The following SEM1 variants were observed in gnomAD, a reference collection of about 807,000 sequenced individuals.
SEM1 encodes the protein SEM1 26S proteasome subunit.
In SEM1, 3 loss-of-function variants were observed where a neutral mutation model predicts 12.7. The ratio of observed to expected loss-of-function variants is 0.24; its 90% CI spans 0.11 to 0.61. The LOEUF is 0.61. SEM1 is among the 20% of genes least tolerant of loss of function. The pLI is 0.88. For missense variants in SEM1, 59 were observed against 81.3 expected (o/e 0.73, Z 1.06); for synonymous variants, 30 against 27.8 (o/e 1.08, Z -0.25).
chr7:96,512,484 T>C (rs993477573), intron 2 of SEM1, among the ~76,000 whole-genome samples: 20 of 152,272 alleles, frequency 1.3e-4, no homozygotes, highest in African/African-American at 3.8e-4. Flanking sequence ...AATTAGTCAA[T>C]ATAATTGAAG....
In SEM1 at chr7:96,525,768, G is replaced by A. The variant is rs79797601; in HGVS notation, c.171-19070C>T. ...CTCTACCTCCTGTCAGATCAGAGGC[G>A]CGTTAACTCCTCATAGGAACGCCAA... On this transcript the variant is annotated intron_variant and NMD_transcript_variant, in intron 2 of 3. Transcript: ENST00000466986. 4.7e-3 allele frequency among the ~76,000 whole-genome samples: 720 copies of A among 152,212 alleles called. 9 individuals carry two copies. The highest frequency in any genetic ancestry group is 0.017 in the African/African-American group (695 of 41,548).
intron 2 of SEM1, 142 bp downstream of exon 2, chr7:96,694,656 G>GACAATAT: frequency 2.2e-6 from 1 of 454,142 alleles, no homozygotes; most frequent in East Asian, 3.3e-5. Flanking sequence ...AGGAGATGAA[G>GACAATAT]ACAATATGTC....
intron 1 of SEM1, among the ~76,000 whole-genome samples, chr7:96,490,147 A>G (rs1282556144): frequency 2.0e-5 from 3 of 152,164 alleles, no homozygotes; most frequent in Non-Finnish European, 4.4e-5. Context: ...ATGAGCCTGT[A>G]TACCCTCTAC....
At chr7:96,555,161 T>A (rs567726229) in intron 2 of SEM1, among the ~76,000 whole-genome samples, 1 of 101,792 alleles carries the variant, frequency 9.8e-6, no homozygotes, top group Non-Finnish European at 2.8e-5. Flanking sequence ...CCTGGATTCA[T>A]TAATTTTTTG....
chr7:96,654,501 G>C (rs1469916996), intron 2 of SEM1, among the ~76,000 whole-genome samples: 2 of 152,132 alleles, frequency 1.3e-5, no homozygotes, highest in African/African-American at 4.8e-5. Flanking sequence ...TCTAGAGCTA[G>C]CAAGGACTCT....
chr7:96,683,735 A>G (rs1448302150), intron 2 of SEM1, among the ~76,000 whole-genome samples: 7 of 152,206 alleles, frequency 4.6e-5, no homozygotes, highest in Admixed American at 2.6e-4. Context: ...CTGCAGGGAC[A>G]TGGAGGAAGC....
intron 2 of SEM1, among the ~76,000 whole-genome samples, chr7:96,641,155 AAAT>A (rs1424129878): frequency 1.3e-5 from 2 of 151,772 alleles, no homozygotes; most frequent in African/African-American, 4.8e-5. Flanking sequence ...AAAAAATAAA[AAAT>A]AAAAAATAAA....
chr7:96,510,721 T>C (rs1174769336), intron 2 of SEM1, among the ~76,000 whole-genome samples: 1 of 152,302 alleles, frequency 6.6e-6, no homozygotes, highest in East Asian at 1.9e-4. Flanking sequence ...TATAATGTTA[T>C]AAAATAGTCT....
chr7:96,587,473 T>A (rs1273148024), intron 2 of SEM1, among the ~76,000 whole-genome samples: 1 of 152,168 alleles, frequency 6.6e-6, no homozygotes, highest in Non-Finnish European at 1.5e-5. Flanking sequence ...CATTTCTTGC[T>A]CTCTTTCTCC....
At chr7:96,706,677 T>C (rs1318653108) in intron 1 of SEM1, among the ~76,000 whole-genome samples, 1 of 151,168 alleles carries the variant, frequency 6.6e-6, no homozygotes, top group Non-Finnish European at 1.5e-5. Flanking sequence ...TTATGCAAGA[T>C]GGGATGTAGC....
In SEM1 at chr7:96,696,623, T is replaced by G. The variant is rs546346993; in HGVS notation, c.77-1732A>C. 8.8e-4 allele frequency: 134 copies of G among 152,070 alleles called. 3 individuals are homozygous for G. The highest frequency in any genetic ancestry group is 8.8e-3 in the Admixed American group (134 of 15,268). The allele number at this position is 152,070 out of a possible 1,614,324, so 9.4% of individuals were successfully genotyped here. A position where few individuals can be genotyped will look rare whatever the true frequency, so the allele number is the denominator to read the frequency against. On this transcript the variant is annotated intron_variant, in intron 1 of 2. Transcript: ENST00000248566. ...TAGTGCTAACACTGACAAACCAGAA[T>G]CTATTTTGGATGGATATTTTAAACA...
intron 2 of SEM1, among the ~76,000 whole-genome samples, chr7:96,607,768 C>G (rs1333443481): frequency 6.6e-6 from 1 of 152,160 alleles, no homozygotes; most frequent in African/African-American, 2.4e-5. Flanking sequence ...GACTTCCACA[C>G]AGCTTTCCTT....
intron 2 of SEM1, among the ~76,000 whole-genome samples, chr7:96,519,448 T>C (rs558914443): frequency 6.6e-6 from 1 of 152,122 alleles, no homozygotes; most frequent in African/African-American, 2.4e-5. Flanking sequence ...GGATACATAC[T>C]ACGGAAAAAG....
intron 2 of SEM1, among the ~76,000 whole-genome samples, chr7:96,544,718 A>G (rs572298482): frequency 6.6e-6 from 1 of 152,056 alleles, no homozygotes; most frequent in Non-Finnish European, 1.5e-5. Context: ...TGATTAACAC[A>G]TATTTTATAT....
At chr7:96,676,203 C>T (rs184926165) in intron 2 of SEM1, among the ~76,000 whole-genome samples, 3 of 152,144 alleles carry the variant, frequency 2.0e-5, no homozygotes, top group African/African-American at 7.2e-5. Flanking sequence ...CCCATACATC[C>T]CCATTTTCCA....
intron 2 of SEM1, among the ~76,000 whole-genome samples, chr7:96,485,611 C>T (rs1802722394): frequency 1.5e-5 from 2 of 133,640 alleles, no homozygotes; most frequent in Non-Finnish European, 3.1e-5. Context: ...GGTGCGATCT[C>T]GGCTCACTGC....
chr7:96,493,704 A>G (rs1252310732), intron 1 of SEM1, among the ~76,000 whole-genome samples: 1 of 152,248 alleles, frequency 6.6e-6, no homozygotes, highest in African/African-American at 2.4e-5. Context: ...TCAAGGTAGT[A>G]AATGAATTGA....
rs115961051 is a variant in SEM1, at chr7:96,516,081, C to T, written c.171-9383G>A. 3.8e-3 allele frequency among the ~76,000 whole-genome samples: 572 copies of T among 151,820 alleles called. 1 individual carries two copies. Among genetic ancestry groups the T allele is most frequent in the African/African-American group, 0.013 (548 of 41,426 alleles). ...AGAACCTAAAGAAAGGCCTTATATACGTCACAAAAATTACTCAAAATGGAT... is the reference window on the plus strand; with the variant it reads ...AGAACCTAAAGAAAGGCCTTATATATGTCACAAAAATTACTCAAAATGGAT... On this transcript the variant is annotated intron_variant and NMD_transcript_variant, in intron 2 of 3. Transcript: ENST00000466986.
chr7:96,577,319 GCAAAGC>G (rs1006240890), intron 2 of SEM1, among the ~76,000 whole-genome samples: 1 of 152,180 alleles, frequency 6.6e-6, no homozygotes, highest in African/African-American at 2.4e-5. Flanking sequence ...ATCAAAGAAG[GCAAAGC>G]CTGCTCAAAG....
Sources: gnomAD v4.1 joint callset for allele counts (sites outside exome capture counted in the v4.1 genomes callset) on GRCh38, gnomAD v4.1.1 for gene constraint, MANE v1.5 for transcripts, NCBI Gene and HGNC (gene_info 2026-07-23, HGNC 2026-07-21) for gene names.